The following MTA3 variants were observed in gnomAD, a reference collection of about 807,000 sequenced individuals.
The protein encoded by MTA3 is metastasis associated 1 family member 3, also known as metastasis-associated protein MTA3.
In MTA3, 34 loss-of-function variants were observed where a neutral mutation model predicts 83.5. The ratio of observed to expected loss-of-function variants is 0.41; its 90% CI spans 0.31 to 0.54. The LOEUF (loss-of-function observed/expected upper bound fraction) is 0.54. MTA3 is among the 20% of genes least tolerant of loss of function. The pLI, the probability that MTA3 is intolerant of heterozygous loss-of-function variation, is 0.33. For missense variants in MTA3, 761 were observed against 726.4 expected, an observed-to-expected ratio of 1.05 and a Z score of -0.55; for synonymous variants, 303 against 252.7, an observed-to-expected ratio of 1.20 and a Z score of -1.89.
upstream of MTA3, among the ~76,000 whole-genome samples, chr2:42,565,987 C>T (rs576099920): frequency 3.7e-4 from 57 of 152,202 alleles, no homozygotes; most frequent in African/African-American, 1.3e-3. Context: ...CCAGCCTGGG[C>T]AGCGAGAGCG....
chr2:42,578,307 C>T (rs1679266283), intron 2 of MTA3, among the ~76,000 whole-genome samples: 1 of 152,130 alleles, frequency 6.6e-6, no homozygotes, highest in African/African-American at 2.4e-5. Flanking sequence ...AATAGGAGAG[C>T]AGGAGCCTGG....
chr2:42,715,334 T>A (rs2104524969), intron 14 of MTA3, among the ~76,000 whole-genome samples: 1 of 151,900 alleles, frequency 6.6e-6, no homozygotes, highest in African/African-American at 2.4e-5. Flanking sequence ...TGTTAAAGAG[T>A]GACTAAGGCA....
At chr2:42,527,549 G>A (rs1298949933) in intron 2 of MTA3, among the ~76,000 whole-genome samples, 1 of 152,110 alleles carries the variant, frequency 6.6e-6, no homozygotes, top group African/African-American at 2.4e-5. Context: ...TTCTAGGGGT[G>A]GAGGGAGATG....
intron 9 of MTA3, among the ~76,000 whole-genome samples, chr2:42,689,854 C>G (rs1169233383): frequency 7.2e-6 from 1 of 138,628 alleles, no homozygotes; most frequent in East Asian, 2.2e-4. Context: ...AAAAAAAAAT[C>G]CAGCTTTTGG....
intron 2 of MTA3, among the ~76,000 whole-genome samples, chr2:42,534,674 T>G (rs761348671): frequency 4.9e-4 from 74 of 152,240 alleles, no homozygotes; most frequent in Non-Finnish European, 8.7e-4. Flanking sequence ...CTCAGAACTT[T>G]ATTTCTCTCC....
At chr2:42,599,247 T>C (rs1208542684) in intron 3 of MTA3, among the ~76,000 whole-genome samples, 1 of 152,176 alleles carries the variant, frequency 6.6e-6, no homozygotes, top group African/African-American at 2.4e-5. Flanking sequence ...TGTGCATCTT[T>C]CTAGCAACAT....
chr2:42,656,059 A>T (rs184104072), intron 6 of MTA3, 141 bp from the exon 7 acceptor site: 8 of 593,468 alleles, frequency 1.3e-5, no homozygotes, highest in Non-Finnish European at 2.4e-5. Flanking sequence ...TTGTACATCT[A>T]CGTCTGAAAG....
chr2:42,689,052 T>G (rs1293733613), intron 9 of MTA3, among the ~76,000 whole-genome samples: 2 of 152,226 alleles, frequency 1.3e-5, no homozygotes. Flanking sequence ...ATGAATGATG[T>G]TGAATTTTGT....
chr2:42,544,379 G>A (rs1168879941), intron 2 of MTA3, among the ~76,000 whole-genome samples: 1 of 151,730 alleles, frequency 6.6e-6, no homozygotes, highest in African/African-American at 2.4e-5. Flanking sequence ...CCAGGAGGCA[G>A]AGGTTGTGGT....
chr2:42,509,335 G>A (rs369333684), intron 2 of MTA3, among the ~76,000 whole-genome samples: 9 of 152,090 alleles, frequency 5.9e-5, no homozygotes, highest in African/African-American at 1.9e-4. Context: ...GAGCCACTGC[G>A]CCTGGCCTCA....
intron 11 of MTA3, among the ~76,000 whole-genome samples, chr2:42,702,078 G>A (rs1369252964): frequency 2.0e-5 from 3 of 152,096 alleles, no homozygotes; most frequent in Admixed American, 2.0e-4. Flanking sequence ...AGGCGTGGTG[G>A]CAGGCACCTG....
chr2:42,562,399 G>C (rs1298144925), intron 2 of MTA3, among the ~76,000 whole-genome samples: 1 of 152,062 alleles, frequency 6.6e-6, no homozygotes, highest in African/African-American at 2.4e-5. Context: ...GTCTCCTTCT[G>C]TTCTTTCCAT....
chr2:42,741,405 G>T (rs898986781), intron 16 of MTA3, among the ~76,000 whole-genome samples: 4 of 152,182 alleles, frequency 2.6e-5, no homozygotes, highest in African/African-American at 7.2e-5. Context: ...TTCACCACTT[G>T]GTTAACTGTT....
intron 8 of MTA3, among the ~76,000 whole-genome samples, chr2:42,669,130 G>A (rs566445109): frequency 2.7e-5 from 4 of 149,664 alleles, no homozygotes; most frequent in Admixed American, 1.3e-4. Flanking sequence ...TGTCACCCAG[G>A]CTGGAGTGCA....
In MTA3 at chr2:42,709,022, A is replaced by G; in HGVS notation, c.1451A>G (p.Lys484Arg). 16 of 1,614,044 alleles carry G rather than the reference A, an allele frequency of 9.9e-6. No homozygotes were observed. Among genetic ancestry groups the G allele is most frequent in the African/African-American group, 1.3e-5 (1 of 75,070 alleles). ...YFTKFARQVC[K>R]NTLRLRQAAR... The stretch of plus-strand genomic sequence containing the variant: ...ACAAAATTTGCTCGTCAGGTCTGCA[A>G]AAATACCCTCCGGCTGCGGCAGGCA... Residue 484 changes from lysine (K) to arginine (R), a missense_variant, in exon 14 of 17, where the codon AAA (lysine) becomes AGA (arginine). Transcript: ENST00000405094.
chr2:42,695,731 A>T (rs753640713), intron 9 of MTA3, 34 bp from the exon 10 acceptor site: 2 of 1,311,938 alleles, frequency 1.5e-6, no homozygotes, highest in African/African-American at 3.2e-5. Flanking sequence ...TTATATGTTA[A>T]CATAGATGAT....
At chr2:42,742,020 A>G (rs1380427808) in intron 16 of MTA3, among the ~76,000 whole-genome samples, 1 of 152,202 alleles carries the variant, frequency 6.6e-6, no homozygotes, top group African/African-American at 2.4e-5. Context: ...ATTCCTGCAC[A>G]TGGGAGATGT....
chr2:42,576,223 A>G (rs1450476599), intron 2 of MTA3, among the ~76,000 whole-genome samples: 2 of 152,202 alleles, frequency 1.3e-5, no homozygotes, highest in Non-Finnish European at 2.9e-5. Context: ...GCATAAAGAA[A>G]ATAGTAATAG....
chr2:42,635,449 G>A (rs1392148275), intron 4 of MTA3, among the ~76,000 whole-genome samples: 1 of 152,060 alleles, frequency 6.6e-6, no homozygotes, highest in African/African-American at 2.4e-5. Flanking sequence ...CCAACATGGT[G>A]AAACCCCGTC....
Sources: allele counts gnomAD v4.1 joint callset (sites outside exome capture counted in the v4.1 genomes callset), GRCh38; gene constraint gnomAD v4.1.1; transcripts MANE v1.5; gene names NCBI Gene and HGNC (gene_info 2026-07-23, HGNC 2026-07-21).